Variants in C16orf96 observed in about 807,000 individuals in gnomAD.
C16orf96 encodes the protein chromosome 16 open reading frame 96.
A neutral mutation model predicts 103.6 loss-of-function variants in C16orf96; 108 were observed. That is an observed-to-expected ratio of 1.04 (90% CI 0.89 to 1.22). The LOEUF (loss-of-function observed/expected upper bound fraction) is 1.22. Among genes scored for constraint, C16orf96 ranks in the 50% most tolerant of loss-of-function variants. C16orf96 has a pLI of 0.00. For synonymous variants in C16orf96, 566 were observed against 593.5 expected, an observed-to-expected ratio of 0.95 and a Z score of 0.67; for missense variants, 1,586 against 1,464.2, an observed-to-expected ratio of 1.08 and a Z score of -1.36.
chr16:4,552,250 G>A (rs1158496007), upstream of C16orf96, among the ~76,000 whole-genome samples: 1 of 152,140 alleles, frequency 6.6e-6, no homozygotes, highest in Non-Finnish European at 1.5e-5. Context: ...GGGAGGCCAA[G>A]GCAGGCAGAT....
intron 7 of C16orf96, among the ~76,000 whole-genome samples, chr16:4,584,370 T>C (rs1896867290): frequency 6.8e-6 from 1 of 147,772 alleles, no homozygotes; most frequent in Non-Finnish European, 1.5e-5. Flanking sequence ...TTTTTTGAGA[T>C]ACAGTCTCGC....
chr16:4,594,216 G>T, intron 12 of C16orf96, 135 bp from the exon 13 acceptor site: 3 of 1,034,548 alleles, frequency 2.9e-6, no homozygotes, highest in Non-Finnish European at 1.4e-6. Context: ...CCCCAGGCCT[G>T]CCTGGCTGTG....
the C16orf96 span, among the ~76,000 whole-genome samples, chr16:4,546,794 A>G: frequency 1.3e-5 from 2 of 152,044 alleles, no homozygotes; most frequent in Admixed American, 6.6e-5. Flanking sequence ...TGACACAACC[A>G]AATGTTCATC....
chr16:4,583,155 T>C (rs1052302421), intron 7 of C16orf96, among the ~76,000 whole-genome samples: 1 of 151,990 alleles, frequency 6.6e-6, no homozygotes, highest in African/African-American at 2.4e-5. Context: ...GGAGAATCGC[T>C]TGAACCCGGG....
chr16:4,573,528 A>G (rs1387592101), intron 2 of C16orf96, among the ~76,000 whole-genome samples: 2 of 150,720 alleles, frequency 1.3e-5, no homozygotes, highest in South Asian at 2.1e-4. Context: ...TGAGGTGGGC[A>G]GATCACAAGG....
the C16orf96 span, among the ~76,000 whole-genome samples, chr16:4,542,556 G>A: frequency 6.6e-6 from 1 of 152,130 alleles, no homozygotes; most frequent in Non-Finnish European, 1.5e-5. Flanking sequence ...CAGCACTTTG[G>A]GAGGCCAAGG....
Position 4,556,800 on chromosome 16 carries a change from C to T in C16orf96, c.311C>T (p.Thr104Ile). ...GCCCTGCTGCAGGACCTGCCCTCCA[C>T]TGCCCAGCTGCTGGAAGCCAGCCAG... ...QLALLQDLPS[T>I]AQLLEASQGT... is the part of the protein sequence containing the mutation. The change falls in exon 1 of 16, where the codon ACT becomes ATT. Residue 104 changes from threonine to isoleucine, a missense_variant. Thr to Ile is a moderately conservative substitution (Grantham distance 89). Coordinates refer to ENST00000444310, the MANE Select transcript of C16orf96 (RefSeq NM_001145011.2). 2 of 1,551,692 alleles carry T rather than the reference C, an allele frequency of 1.3e-6. No individual in the cohort carries two copies. The highest frequency in any genetic ancestry group is 2.4e-5 in the East Asian group (1 of 40,918).
At chr16:4,578,671 T>A (rs984077931) in intron 5 of C16orf96, among the ~76,000 whole-genome samples, 3 of 151,910 alleles carry the variant, frequency 2.0e-5, no homozygotes, top group Non-Finnish European at 4.4e-5. Context: ...GGCAGGAGAA[T>A]TGCTTAAACC....
chr16:4,550,522 C>T, the C16orf96 span, among the ~76,000 whole-genome samples: 1 of 152,214 alleles, frequency 6.6e-6, no homozygotes, highest in African/African-American at 2.4e-5. Context: ...GCCTTGAAAG[C>T]CTCAAACAAA....
chr16:4,591,824 T>G, intron 10 of C16orf96, 40 bp downstream of exon 10: 3 of 1,440,272 alleles, frequency 2.1e-6, no homozygotes, highest in Non-Finnish European at 2.9e-6. Flanking sequence ...GGGGTCCTGC[T>G]GCCCAGGCTG....
chr16:4,569,828 A>G (rs1031365409), intron 1 of C16orf96, among the ~76,000 whole-genome samples: 1 of 152,154 alleles, frequency 6.6e-6, no homozygotes, highest in African/African-American at 2.4e-5. Context: ...CGCCCCTTAT[A>G]GGACTTTCAC....
Position 4,599,328 on chromosome 16 carries a change from G to C in C16orf96, c.3172G>C (p.Val1058Leu). Reference sequence around the variant, plus strand: ...CCCGTCACAAAGCCTGTATGACCGTGTGCACTCCAGTGCCCTATTTGGCGC... The same window carrying C: ...CCCGTCACAAAGCCTGTATGACCGTCTGCACTCCAGTGCCCTATTTGGCGC... ...SPPSQSLYDR[V>L]HSSALFGAIC... The change falls in exon 15 of 16, where the codon GTG becomes CTG. Residue 1058 changes from valine (V) to leucine (L), a missense_variant. Physicochemically the swap from Val to Leu is conservative, Grantham distance 32. Transcript: ENST00000444310. 6.4e-7 allele frequency: 1 copy of C among 1,551,624 alleles called. No homozygotes were observed. Among genetic ancestry groups the C allele is most frequent in the Non-Finnish European group, 8.7e-7 (1 of 1,146,962 alleles).
At chr16:4,574,676 AC>A in intron 2 of C16orf96, 32 bp from the exon 3 acceptor site, 2 of 1,527,640 alleles carry the variant, frequency 1.3e-6, no homozygotes, top group Non-Finnish European at 1.8e-6. Context: ...CAGAACCTGG[AC>A]CCCCAGTCCA....
intron 1 of C16orf96, chr16:4,561,322 A>C (rs932291996): frequency 6.6e-6 from 1 of 152,226 alleles, no homozygotes; most frequent in African/African-American, 2.4e-5. Context: ...AAATTAAAAA[A>C]TAACAAAAGA....
chr16:4,565,177 G>C (rs2059374101), intron 1 of C16orf96, among the ~76,000 whole-genome samples: 2 of 152,130 alleles, frequency 1.3e-5, no homozygotes, highest in African/African-American at 4.8e-5. Flanking sequence ...TCTTGAGAGA[G>C]AGAGAGAGCA....
At chr16:4,548,206 G>A in the C16orf96 span, among the ~76,000 whole-genome samples, 1 of 152,160 alleles carries the variant, frequency 6.6e-6, no homozygotes, top group African/African-American at 2.4e-5. Flanking sequence ...CTCACTCGCT[G>A]TCAGATCAGG....
chr16:4,545,206 G>A, the C16orf96 span, among the ~76,000 whole-genome samples: 9 of 152,010 alleles, frequency 5.9e-5, no homozygotes, highest in Admixed American at 2.0e-4. Context: ...CTGTCTTTGC[G>A]TCACTCAGTT....
Position 4,600,546 on chromosome 16 carries a change from C to T in C16orf96, c.*229C>T. 1 of 475,314 alleles carries T rather than the reference C, an allele frequency of 2.1e-6. No individual in the cohort carries two copies. The highest frequency in any genetic ancestry group is 3.9e-6 in the Non-Finnish European group (1 of 257,790). The allele number at this position is 475,314 out of a possible 1,614,324, so 29.4% of individuals were successfully genotyped here. A position where few individuals can be genotyped will look rare whatever the true frequency, so the allele number is the denominator to read the frequency against. ...GTCCGAGGCTGAGACCCATATGCCCCCCCCACCCCCACCAAGTCCCGTCCC... is the reference window on the plus strand; with the variant it reads ...GTCCGAGGCTGAGACCCATATGCCCTCCCCACCCCCACCAAGTCCCGTCCC... On this transcript the variant is annotated 3_prime_UTR_variant, in exon 16 of 16. Transcript: ENST00000444310.
Position 4,562,461 on chromosome 16 carries a change from C to CAAA in C16orf96, c.420+5564_420+5566dup, listed in dbSNP as rs71402546. On this transcript the variant is annotated intron_variant, in intron 1 of 15. Coordinates refer to ENST00000444310, the MANE Select transcript of C16orf96 (RefSeq NM_001145011.2). ...CCTGGACAATGGAGCAAGACTGTGT[C>CAAA]AAAAAAAAAAAAAAGAGAAAAGCCT... 5.5e-3 allele frequency among the ~76,000 whole-genome samples: 776 copies of CAAA among 141,936 alleles called. 5 individuals are homozygous for CAAA. The highest frequency in any genetic ancestry group is 0.018 in the Admixed American group (258 of 14,096). 93.1% of individuals were successfully genotyped at this position (141,936 alleles called of 152,430 possible).
Sources: allele counts gnomAD v4.1 joint callset (sites outside exome capture counted in the v4.1 genomes callset), GRCh38; gene constraint gnomAD v4.1.1; transcripts MANE v1.5; gene names NCBI Gene and HGNC (gene_info 2026-07-23, HGNC 2026-07-21).